The following POTEC variants were observed in gnomAD, a reference collection of about 807,000 sequenced individuals.
POTEC encodes POTE ankyrin domain family member C.
Under a neutral mutation model 62.0 loss-of-function variants are expected in POTEC, and 35 were observed. The ratio of observed to expected loss-of-function variants is 0.56; its 90% CI spans 0.43 to 0.75. The LOEUF is 0.75. POTEC is among the 30% of genes least tolerant of loss of function. The pLI is 0.00. For synonymous variants in POTEC, 156 were observed against 221.5 expected (o/e 0.70, Z 2.62); for missense variants, 472 against 655.9 (o/e 0.72, Z 3.06).
chr18:14,533,408 C>T (rs1036194493), intron 4 of POTEC, among the ~76,000 whole-genome samples: 41 of 152,134 alleles, frequency 2.7e-4, no homozygotes, highest in African/African-American at 9.9e-4. Context: ...AAGGAAACCT[C>T]TTATCTCAGT....
At chr18:14,529,821 C>T (rs960526332) in intron 6 of POTEC, among the ~76,000 whole-genome samples, 4 of 152,000 alleles carry the variant, frequency 2.6e-5, no homozygotes, top group Non-Finnish European at 4.4e-5. Flanking sequence ...AAGAGTGAGA[C>T]CTTGTTGGGA....
rs147132571 is a variant in POTEC, at chr18:14,528,409, G to A, written c.1126+2074C>T. Among the ~76,000 whole-genome samples the A allele has an allele frequency of 6.6e-5, 10 of 152,160 alleles. No homozygotes were observed. The East Asian group carries it at 1.2e-3, about 18-fold the overall frequency. On this transcript the variant is annotated intron_variant, in intron 6 of 10. Coordinates refer to ENST00000358970, the MANE Select transcript of POTEC (RefSeq NM_001137671.2). ...GAAATGTTTATTCTAAGTTAATCAT[G>A]TATTTGCCTTCCCAGTGCCTGGTTT...
chr18:14,520,458 T>G (rs1910281543), intron 9 of POTEC, among the ~76,000 whole-genome samples: 1 of 152,118 alleles, frequency 6.6e-6, no homozygotes, highest in African/African-American at 2.4e-5. Flanking sequence ...CTAGGACAGT[T>G]GATACTCATC....
intron 9 of POTEC, among the ~76,000 whole-genome samples, chr18:14,518,507 T>TA (rs1242151440): frequency 3.3e-5 from 5 of 150,018 alleles, no homozygotes. Context: ...GGTTTGAAGT[T>TA]AGAGATGATA....
chr18:14,542,080 G>A (rs1328405253), intron 1 of POTEC, among the ~76,000 whole-genome samples: 1 of 149,950 alleles, frequency 6.7e-6, no homozygotes, highest in Non-Finnish European at 1.5e-5. Flanking sequence ...TTTGGCTTAT[G>A]TAAAAGTGAT....
intron 1 of POTEC, among the ~76,000 whole-genome samples, chr18:14,539,330 A>G (rs1245329409): frequency 6.6e-6 from 1 of 151,866 alleles, no homozygotes; most frequent in Non-Finnish European, 1.5e-5. Flanking sequence ...TAACATAGGT[A>G]AACGTGTGCC....
Position 14,510,583 on chromosome 18 carries a change from T to G in POTEC, c.*1315A>C, listed in dbSNP as rs1303628021. ...TTCCAGTGGCTGAAGGTATCAGCAG[T>G]GAAGCCTGAGAAAAAGCAAAGACGA... On this transcript the variant is annotated 3_prime_UTR_variant, in exon 11 of 11. Coordinates refer to ENST00000358970, the MANE Select transcript of POTEC (RefSeq NM_001137671.2). The G allele has an allele frequency of 1.6e-4, 25 of 152,242 alleles. No individual in the cohort carries two copies. Among genetic ancestry groups the G allele is most frequent in the Admixed American group, 1.6e-3 (25 of 15,280 alleles). 9.4% of individuals were successfully genotyped at this position (152,242 alleles called of 1,614,324 possible). A position where few individuals can be genotyped will look rare whatever the true frequency, so the allele number is the denominator to read the frequency against.
chr18:14,518,822 G>A (rs2143120265), intron 9 of POTEC, among the ~76,000 whole-genome samples: 2 of 149,388 alleles, frequency 1.3e-5, no homozygotes, highest in Middle Eastern at 6.8e-3. Flanking sequence ...GGTAGATAAG[G>A]GATGGCAAGA....
chr18:14,537,809 T>C lies in POTEC; in HGVS notation c.802A>G (p.Lys268Glu), dbSNP rs1905793686. The stretch of plus-strand genomic sequence containing the variant: ...AATTGGTAGATCTATACCTTGTTTT[T>C]TGATTCAATATCAGCACCATATAAG... ...LLLYGADIES[K>E]NKCGLTPLLL... The change falls in exon 3 of 11, where the codon AAA (lysine) becomes GAA (glutamate). Residue 268 changes from lysine (K) to glutamate (E), a missense_variant. Around this residue, in one of 5 missense-constraint regions of POTEC, gnomAD observed 52 missense variants for 54.2 expected, o/e 0.96. Transcript: ENST00000358970. 4 of 1,611,302 alleles carry C rather than the reference T, an allele frequency of 2.5e-6. No homozygotes were observed. The highest frequency in any genetic ancestry group is 3.4e-6 in the Non-Finnish European group (4 of 1,179,344).
intron 7 of POTEC, 36 bp from the exon 8 acceptor site, chr18:14,523,543 T>G: frequency 6.3e-7 from 1 of 1,588,892 alleles, no homozygotes; most frequent in East Asian, 2.3e-5. Context: ...ATTTGCTTGT[T>G]GTATTTCCAT....
At chr18:14,520,119 C>T (rs1389951560) in intron 9 of POTEC, among the ~76,000 whole-genome samples, 5 of 152,090 alleles carry the variant, frequency 3.3e-5, no homozygotes, top group Admixed American at 1.3e-4. Context: ...GGACATCATA[C>T]TTAGGAGTCA....
intron 9 of POTEC, among the ~76,000 whole-genome samples, chr18:14,515,948 G>A (rs1291014500): frequency 1.3e-5 from 2 of 151,686 alleles, no homozygotes; most frequent in Admixed American, 6.6e-5. Flanking sequence ...TAATCATCAG[G>A]GTACAATAAA....
At position 14,509,969 on chromosome 18, in the gene POTEC, G is replaced by T. The variant is rs978316570; in HGVS notation, c.*1929C>A. ...GGTCTGACCTCAGCACTCCTAAAGT[G>T]CTGGGATAAAGTGTCTCATAAGAGC... On this transcript the variant is annotated 3_prime_UTR_variant, in exon 11 of 11. Coordinates refer to ENST00000358970, the MANE Select transcript of POTEC (RefSeq NM_001137671.2). 1 of 149,272 alleles carries T rather than the reference G, an allele frequency of 6.7e-6. No individual in the cohort carries two copies. The highest frequency in any genetic ancestry group is 1.5e-5 in the Non-Finnish European group (1 of 67,524). 9.2% of individuals were successfully genotyped at this position (149,272 alleles called of 1,614,324 possible).
intron 3 of POTEC, among the ~76,000 whole-genome samples, chr18:14,536,734 T>G (rs1905725773): frequency 6.6e-6 from 1 of 152,160 alleles, no homozygotes; most frequent in Non-Finnish European, 1.5e-5. Flanking sequence ...CTTTATCATT[T>G]GAGGATCTGG....
chr18:14,539,725 A>C (rs189680965), intron 1 of POTEC, among the ~76,000 whole-genome samples: 3 of 152,058 alleles, frequency 2.0e-5, no homozygotes, highest in African/African-American at 7.2e-5. Context: ...AGGGCAGTTA[A>C]GGGTTATCTT....
intron 9 of POTEC, among the ~76,000 whole-genome samples, chr18:14,514,196 T>G (rs1469648914): frequency 6.6e-6 from 1 of 152,116 alleles, no homozygotes; most frequent in Non-Finnish European, 1.5e-5. Context: ...AAGCATTAGA[T>G]TCTCATAAGG....
chr18:14,542,560 G>T (rs1905973496), intron 1 of POTEC, 66 bp downstream of exon 1: 1 of 1,603,784 alleles, frequency 6.2e-7, no homozygotes, highest in Non-Finnish European at 8.5e-7. Flanking sequence ...CTCCCTCCCT[G>T]CGCCAGGAGG....
chr18:14,526,567 T>C (rs1351998505), intron 6 of POTEC, among the ~76,000 whole-genome samples: 1 of 151,942 alleles, frequency 6.6e-6, no homozygotes, highest in Non-Finnish European at 1.5e-5. Flanking sequence ...GCTAGCTAGA[T>C]TAAAAGTGGT....
At chr18:14,536,189 C>T (rs1905707552) in intron 3 of POTEC, among the ~76,000 whole-genome samples, 1 of 150,020 alleles carries the variant, frequency 6.7e-6, no homozygotes, top group Non-Finnish European at 1.5e-5. Flanking sequence ...CGCATCACTG[C>T]ACTCCAGCCT....
Sources: allele counts gnomAD v4.1 joint callset (sites outside exome capture counted in the v4.1 genomes callset), GRCh38; gene constraint gnomAD v4.1.1; regional missense constraint gnomAD v4.1.1; transcripts MANE v1.5; gene names NCBI Gene and HGNC (gene_info 2026-07-23, HGNC 2026-07-21).